Variants in NELFB observed in about 807,000 individuals in gnomAD.
The protein encoded by NELFB is negative elongation factor B.
NELFB carries 34 observed loss-of-function variants against 60.2 expected under a neutral mutation model. The ratio of observed to expected loss-of-function variants is 0.56; its 90% CI spans 0.43 to 0.75. The LOEUF is 0.75. NELFB is among the 30% of genes least tolerant of loss of function. NELFB has a pLI of 0.00. For synonymous variants in NELFB, 459 were observed against 382.1 expected (o/e 1.20, Z -2.35); for missense variants, 770 against 831.6 (o/e 0.93, Z 0.91).
chr9:137,264,484 G>A (rs551571582), intron 6 of NELFB, 127 bp downstream of exon 6: 10 of 714,698 alleles, frequency 1.4e-5, no homozygotes, highest in East Asian at 5.5e-5. Context: ...TGTTTTTTTC[G>A]AGACAGAGTC....
Position 137,262,018 on chromosome 9 carries a change from C to T in NELFB, c.742-1019C>T, listed in dbSNP as rs377716884. Among the ~76,000 whole-genome samples, 10 of 152,078 alleles carry T rather than the reference C, an allele frequency of 6.6e-5. No individual in the cohort carries two copies. In the East Asian group the frequency reaches 1.2e-3, roughly 18 times the overall value. The stretch of plus-strand genomic sequence containing the variant: ...GAGGAGAGAGAGAAACAGCTTACGC[C>T]GTTATTTCTGCGTATCAGAGACTTT... On this transcript the variant is annotated intron_variant, in intron 4 of 12. Coordinates refer to ENST00000343053, the MANE Select transcript of NELFB (RefSeq NM_015456.5).
At chr9:137,255,811 C>A in intron 1 of NELFB, 96 bp from the exon 2 acceptor site, 1 of 1,553,944 alleles carries the variant, frequency 6.4e-7, no homozygotes, top group Non-Finnish European at 8.7e-7. Flanking sequence ...GCCAGCACGG[C>A]TGGGAACACC....
intron 4 of NELFB, among the ~76,000 whole-genome samples, chr9:137,260,170 C>T (rs1360314524): frequency 6.6e-6 from 1 of 151,242 alleles, no homozygotes; most frequent in East Asian, 1.9e-4. Context: ...CTGCCTCAGC[C>T]TCCCGAGTGG....
At position 137,273,191 on chromosome 9, in the gene NELFB, T is replaced by C. The variant is rs990890023; in HGVS notation, c.*263T>C. 4 of 381,348 alleles carry C rather than the reference T, an allele frequency of 1.0e-5. No homozygotes were observed. The highest frequency in any genetic ancestry group is 1.9e-5 in the Non-Finnish European group (4 of 214,096). The allele number at this position is 381,348 out of a possible 1,614,324, so 23.6% of individuals were successfully genotyped here. On this transcript the variant is annotated 3_prime_UTR_variant, in exon 13 of 13. Coordinates refer to ENST00000343053, the MANE Select transcript of NELFB (RefSeq NM_015456.5). ...AAAGCGTGCTCATTTTCTGTTTTCCTGTGTTAGGAAAAAACCACCTGTTTT... is the reference window on the plus strand; with the variant it reads ...AAAGCGTGCTCATTTTCTGTTTTCCCGTGTTAGGAAAAAACCACCTGTTTT...
Position 137,272,966 on chromosome 9 carries a change from G to A in NELFB, c.*38G>A, listed in dbSNP as rs543822018. On this transcript the variant is annotated 3_prime_UTR_variant, in exon 13 of 13. Coordinates refer to ENST00000343053, the MANE Select transcript of NELFB (RefSeq NM_015456.5). ...CCTGCTCGGGTGCTGGGGCCATGCCGAGTCGCGGCCCTGCTCAGCCGGAAG... is the reference window on the plus strand; with the variant it reads ...CCTGCTCGGGTGCTGGGGCCATGCCAAGTCGCGGCCCTGCTCAGCCGGAAG... The A allele has an allele frequency of 4.8e-6, 7 of 1,473,034 alleles. No individual in the cohort carries two copies. The highest frequency in any genetic ancestry group is 2.7e-5 in the South Asian group (2 of 73,288). The allele number at this position is 1,473,034 out of a possible 1,614,324, so 91.2% of individuals were successfully genotyped here.
At chr9:137,260,392 TA>T (rs1232102211) in intron 4 of NELFB, among the ~76,000 whole-genome samples, 116 of 130,816 alleles carry the variant, frequency 8.9e-4, no homozygotes, top group African/African-American at 2.8e-3. Context: ...ATTTATTTTT[TA>T]AAATTTTTTT....
At chr9:137,266,842 A>C in intron 8 of NELFB, 102 bp from the exon 9 acceptor site, 1 of 1,342,506 alleles carries the variant, frequency 7.4e-7, no homozygotes, top group Non-Finnish European at 1.0e-6. Context: ...TCGGTGAGGT[A>C]TCTGGGGGAG....
chr9:137,272,249 C>A (rs769245149), intron 11 of NELFB, 27 bp downstream of exon 11: 1 of 1,611,762 alleles, frequency 6.2e-7, no homozygotes, highest in African/African-American at 1.3e-5. Flanking sequence ...CCATCCGGCC[C>A]GCTCTGTCCT....
intron 8 of NELFB, 33 bp downstream of exon 8, chr9:137,266,459 C>T: frequency 6.3e-7 from 1 of 1,589,564 alleles, no homozygotes; most frequent in Non-Finnish European, 8.6e-7. Context: ...TGCCAGTTTC[C>T]TACGAGGGGT....
intron 10 of NELFB, among the ~76,000 whole-genome samples, chr9:137,270,798 G>C (rs750558440): frequency 1.4e-4 from 21 of 151,302 alleles, no homozygotes; most frequent in Non-Finnish European, 2.4e-4. Flanking sequence ...GCGCACGCGT[G>C]TAATCCCAGC....
chr9:137,255,699 T>G (rs941466961), intron 1 of NELFB, 88 bp downstream of exon 1: 1 of 1,454,040 alleles, frequency 6.9e-7, no homozygotes, highest in South Asian at 1.3e-5. Context: ...GCCGGAAGTT[T>G]TCCGGCTTTC....
rs768116933 is a variant in NELFB, at chr9:137,256,937, G to C, written c.624G>C (p.Glu208Asp). ...ACAACCAGGCCCTCTTCGGGGACGA[G>C]GTTTCCCCACTCCTGAAGCAGTACA... Residue 208 changes from glutamate to aspartate, a missense_variant, in exon 4 of 13, where the codon GAG becomes GAC. Transcript: ENST00000343053. The C allele has an allele frequency of 6.2e-7, 1 of 1,614,202 alleles. No homozygotes were observed. The highest frequency in any genetic ancestry group is 8.5e-7 in the Non-Finnish European group (1 of 1,180,050).
intron 10 of NELFB, 126 bp from the exon 11 acceptor site, chr9:137,271,955 C>T: frequency 8.1e-7 from 1 of 1,229,572 alleles, no homozygotes. Flanking sequence ...TGCTTCTCAT[C>T]TCAGAACAAC....
At chr9:137,261,816 C>T (rs113542502) in intron 4 of NELFB, among the ~76,000 whole-genome samples, 12 of 151,942 alleles carry the variant, frequency 7.9e-5, no homozygotes, top group African/African-American at 1.7e-4. Flanking sequence ...ACCACCAAGA[C>T]GCGGAGACTG....
chr9:137,272,800 G>T lies in NELFB; in HGVS notation c.1759G>T (p.Glu587Ter). ...CCCGCAGAGCGGAGAGGCAGTGAAG[G>T]AGCTTTACTCCCAGCTCGGCGAGAA... is the stretch of plus-strand genomic sequence containing the variant. The change falls in exon 13 of 13, where the codon GAG becomes TAG. Residue 587 changes from glutamate (E) to a stop codon, truncating the protein, a stop_gained. Transcript: ENST00000343053. LOFTEE classifies it high-confidence loss of function. The T allele has an allele frequency of 4.5e-6, 7 of 1,549,236 alleles. No individual in the cohort carries two copies. The highest frequency in any genetic ancestry group is 6.1e-6 in the Non-Finnish European group (7 of 1,146,116).
In NELFB at chr9:137,266,392, T is replaced by C. The variant is rs1830518193; in HGVS notation, c.1205T>C (p.Met402Thr). 1.2e-6 allele frequency: 2 copies of C among 1,612,772 alleles called. No individual in the cohort carries two copies. The highest frequency in any genetic ancestry group is 1.3e-5 in the African/African-American group (1 of 74,918). The change falls in exon 8 of 13, where the codon ATG becomes ACG. Residue 402 changes from methionine to threonine, a missense_variant. Physicochemically the swap from Met to Thr is moderately conservative, Grantham distance 81 (BLOSUM62 -1). Transcript: ENST00000343053. ...GCGCTGGGCCAGGGAGCCTGGGACA[T>C]GATCGACAGCCAGGTCTTCAAGGAG...
In NELFB at chr9:137,263,187, G is replaced by A. The variant is rs767604269; in HGVS notation, c.892G>A (p.Val298Met). 2.2e-5 allele frequency: 35 copies of A among 1,613,498 alleles called. No homozygotes were observed. Among genetic ancestry groups the A allele is most frequent in the Non-Finnish European group, 2.5e-5 (30 of 1,179,880 alleles). ...GCTCATGTCCCTGCACGACCTGGACGTGGGTGAAATCTGCACCGTGGACCC... is the reference window on the plus strand; with the variant it reads ...GCTCATGTCCCTGCACGACCTGGACATGGGTGAAATCTGCACCGTGGACCC... Residue 298 changes from valine to methionine, a missense_variant, in exon 5 of 13, where the codon GTG becomes ATG. Coordinates refer to ENST00000343053, the MANE Select transcript of NELFB (RefSeq NM_015456.5).
chr9:137,256,041 C>T lies in NELFB; in HGVS notation c.381C>T (p.Ala127=). Reference sequence around the variant, plus strand: ...ACAAGCTGCTGGAGCGAGTGTCAGCCATCGCTTCGGAGGGGAAGGCTGAGG... The same window carrying T: ...ACAAGCTGCTGGAGCGAGTGTCAGCTATCGCTTCGGAGGGGAAGGCTGAGG... Residue 127 remains alanine, a synonymous_variant, in exon 2 of 13, where the codon GCC becomes GCT. Transcript: ENST00000343053. 1 of 1,613,746 alleles carries T rather than the reference C, an allele frequency of 6.2e-7. No homozygotes were observed. Among genetic ancestry groups the T allele is most frequent in the Non-Finnish European group, 8.5e-7 (1 of 1,180,018 alleles).
chr9:137,264,831 G>A (rs184754102), intron 6 of NELFB, among the ~76,000 whole-genome samples: 23 of 152,216 alleles, frequency 1.5e-4, no homozygotes, highest in African/African-American at 5.3e-4. Flanking sequence ...CATGGTTGTC[G>A]GGATGTGTGT....
Sources: allele counts gnomAD v4.1 joint callset (sites outside exome capture counted in the v4.1 genomes callset), GRCh38; gene constraint gnomAD v4.1.1; transcripts MANE v1.5; gene names NCBI Gene and HGNC (gene_info 2026-07-23, HGNC 2026-07-21).